Variants in NRG1 observed in about 807,000 individuals in gnomAD.
NRG1 encodes neuregulin 1, also known as pro-neuregulin-1, membrane-bound isoform.
Under a neutral mutation model 63.8 loss-of-function variants are expected in NRG1, and 18 were observed. The ratio of observed to expected loss-of-function variants is 0.28; its 90% CI spans 0.19 to 0.42. The LOEUF is 0.42. Among genes scored for constraint, NRG1 ranks in the 10% least tolerant of loss-of-function variants. NRG1 has a pLI of 1.00. For synonymous variants in NRG1, 302 were observed against 301.3 expected, an observed-to-expected ratio of 1.00 and a Z score of -0.02; for missense variants, 762 against 814.7, an observed-to-expected ratio of 0.94 and a Z score of 0.79.
chr8:32,455,699 A>G (rs1357684498), intron 1 of NRG1, among the ~76,000 whole-genome samples: 1 of 152,216 alleles, frequency 6.6e-6, no homozygotes, highest in African/African-American at 2.4e-5. Context: ...AATGAGACTG[A>G]TAATCAGAGC....
intron 6 of NRG1, among the ~76,000 whole-genome samples, chr8:32,733,764 T>C (rs56074917): frequency 0.036 from 5,432 of 152,170 alleles, 339 homozygotes; most frequent in African/African-American, 0.12. Context: ...AGTGAATATA[T>C]GCCAAATGGT....
intron 1 of NRG1, among the ~76,000 whole-genome samples, chr8:32,359,884 G>A (rs185989726): frequency 1.3e-5 from 2 of 152,288 alleles, no homozygotes; most frequent in East Asian, 3.9e-4. Context: ...GCCAGAGATT[G>A]TATGATGACC....
rs1398186693 is a variant in NRG1 at position 32,758,998 on chromosome 8, T to C, written c.922-308T>C. Among the ~76,000 whole-genome samples, 4 of 152,194 alleles carry C rather than the reference T, an allele frequency of 2.6e-5. No individual in the cohort carries two copies. The East Asian group carries it at 5.8e-4, about 22-fold the overall frequency. ...TTGTATGGAATTCTAGTCATTAATT[T>C]AAAATAAAATAGAAGAAATAGGACT... On this transcript the variant is annotated intron_variant, in intron 9 of 11. Transcript: ENST00000356819.
At chr8:32,622,815 T>C (rs16879619) in intron 5 of NRG1, among the ~76,000 whole-genome samples, 1,837 of 152,302 alleles carry the variant, frequency 0.012, 39 homozygotes, top group African/African-American at 0.042. Flanking sequence ...GGTCCCTTCA[T>C]GTATGGAAGA....
intron 1 of NRG1, among the ~76,000 whole-genome samples, chr8:31,700,221 C>T (rs1467107590): frequency 6.6e-6 from 1 of 152,014 alleles, no homozygotes; most frequent in Non-Finnish European, 1.5e-5. Context: ...TTTTTGGAGG[C>T]AGCTTTTACT....
Position 31,675,234 on chromosome 8 carries a change from C to T in NRG1, c.37+35803C>T, listed in dbSNP as rs544217455. 4.6e-3 allele frequency among the ~76,000 whole-genome samples: 700 copies of T among 152,184 alleles called. 3 individuals are homozygous for T. Among genetic ancestry groups the T allele is most frequent in the Non-Finnish European group, 7.4e-3 (505 of 67,998 alleles). ...GTGGACACGTGTAATCCCAGCTACT[C>T]GGGAGGCTGAGGCAGGAGAATCACT... On this transcript the variant is annotated intron_variant, in intron 1 of 10. Coordinates refer to the NRG1 transcript ENST00000519301.
chr8:32,688,956 G>A (rs1476067220), intron 5 of NRG1, among the ~76,000 whole-genome samples: 1 of 152,006 alleles, frequency 6.6e-6, no homozygotes, highest in Non-Finnish European at 1.5e-5. Context: ...GGCCTCCTAG[G>A]GTCGTCACAC....
At chr8:31,860,579 C>G (rs1360468429) in intron 1 of NRG1, among the ~76,000 whole-genome samples, 1 of 152,106 alleles carries the variant, frequency 6.6e-6, no homozygotes, top group Non-Finnish European at 1.5e-5. Context: ...TTGTGACTGG[C>G]AGGTGTGCCC....
rs71208187 is a variant in NRG1 at position 32,486,627 on chromosome 8, A to AATTTTTTT, written c.38-109201_38-109200insATTTTTTT. On this transcript the variant is annotated intron_variant, in intron 1 of 10. Coordinates refer to the NRG1 transcript ENST00000519301. The stretch of plus-strand genomic sequence containing the variant: ...CCTCAAGAGGCTACAGAATTGCTGG[A>AATTTTTTT]TTTTTTTTTTTTTTTGGAATGGAGT... Among the ~76,000 whole-genome samples, 7 of 145,562 alleles carry AATTTTTTT rather than the reference A, an allele frequency of 4.8e-5. 1 individual carries two copies. The highest frequency in any genetic ancestry group is 1.3e-4 in the African/African-American group (5 of 38,950).
intron 1 of NRG1, chr8:31,639,581 C>T (rs1803531324): frequency 2.1e-6 from 3 of 1,435,020 alleles, no homozygotes; most frequent in South Asian, 2.8e-5. Context: ...CATCACTTCA[C>T]ACAAAGGACT....
At chr8:31,733,872 A>G (rs891678000) in intron 1 of NRG1, among the ~76,000 whole-genome samples, 1 of 152,178 alleles carries the variant, frequency 6.6e-6, no homozygotes, top group Non-Finnish European at 1.5e-5. Flanking sequence ...TAAGTTTTCC[A>G]TTCCGAAAGA....
Position 31,640,760 on chromosome 8 carries a change from C to T in NRG1, c.37+1329C>T, listed in dbSNP as rs1585341534. Reference sequence around the variant, plus strand: ...TTCCTCGCCCTTGGGGGCGCGAACCCGCGGCGAGGAGGGCGCATCCCGGGC... The same window carrying T: ...TTCCTCGCCCTTGGGGGCGCGAACCTGCGGCGAGGAGGGCGCATCCCGGGC... On this transcript the variant is annotated intron_variant, in intron 1 of 10. Transcript: ENST00000519301. The surrounding 1 kb of genome is among the most constrained non-coding windows in gnomAD (Gnocchi z 6.3). 3 of 1,472,412 alleles carry T rather than the reference C, an allele frequency of 2.0e-6. No individual in the cohort carries two copies. Among genetic ancestry groups the T allele is most frequent in the Non-Finnish European group, 2.7e-6 (3 of 1,109,458 alleles). 91.2% of individuals were successfully genotyped at this position (1,472,412 alleles called of 1,614,324 possible).
intron 1 of NRG1, among the ~76,000 whole-genome samples, chr8:32,258,567 C>T (rs1006275758): frequency 2.6e-5 from 4 of 152,080 alleles, no homozygotes; most frequent in Admixed American, 6.6e-5. Flanking sequence ...CCTCAGGAAA[C>T]GTACAGTTAT....
chr8:31,866,313 T>C (rs1828955079), intron 1 of NRG1, among the ~76,000 whole-genome samples: 1 of 152,192 alleles, frequency 6.6e-6, no homozygotes, highest in Non-Finnish European at 1.5e-5. Flanking sequence ...TTGTGGAGAC[T>C]CAATCAATGT....
chr8:32,574,645 C>A (rs1208296344), intron 1 of NRG1, among the ~76,000 whole-genome samples: 1 of 152,114 alleles, frequency 6.6e-6, no homozygotes, highest in Non-Finnish European at 1.5e-5. Flanking sequence ...CATGTGATGT[C>A]CCCCACTACT....
At chr8:32,108,199 C>A (rs1253992487) in intron 1 of NRG1, among the ~76,000 whole-genome samples, 2 of 152,116 alleles carry the variant, frequency 1.3e-5, no homozygotes, top group African/African-American at 2.4e-5. Flanking sequence ...TGATTAAGGG[C>A]AATTAACATT....
At chr8:31,712,333 T>A (rs189358964) in intron 1 of NRG1, among the ~76,000 whole-genome samples, 1 of 141,116 alleles carries the variant, frequency 7.1e-6, no homozygotes, top group Non-Finnish European at 1.5e-5. Flanking sequence ...TGGTGCATTC[T>A]CAGCAGCTCA....
intron 1 of NRG1, among the ~76,000 whole-genome samples, chr8:32,198,303 G>A (rs764449005): frequency 9.2e-5 from 14 of 152,054 alleles, no homozygotes; most frequent in Non-Finnish European, 1.2e-4. Context: ...TCAGCCTCTC[G>A]AGTAGCTGGG....
chr8:32,337,991 A>C (rs1255627192), intron 1 of NRG1, among the ~76,000 whole-genome samples: 3 of 152,190 alleles, frequency 2.0e-5, no homozygotes, highest in African/African-American at 7.2e-5. Context: ...TTTAACATGT[A>C]ACCCAATTTG....
Sources: gnomAD v4.1 joint callset for allele counts (sites outside exome capture counted in the v4.1 genomes callset) on GRCh38, gnomAD v4.1.1 for gene constraint, Gnocchi (gnomAD v3.1) non-coding constraint, MANE v1.5 for transcripts, NCBI Gene and HGNC (gene_info 2026-07-23, HGNC 2026-07-21) for gene names.